Variants in XRN2 observed in about 807,000 individuals in gnomAD.
XRN2 encodes 5'-3' exoribonuclease 2.
Under a neutral mutation model 138.5 loss-of-function variants are expected in XRN2, and 44 were observed. The observed-to-expected ratio is 0.32, with a 90% confidence interval of 0.25 to 0.41. The LOEUF (loss-of-function observed/expected upper bound fraction) is 0.41, where lower values mean the gene tolerates loss of function less well. Ranked by LOEUF, XRN2 falls within the 10% of genes least tolerant of loss-of-function variation. XRN2 has a pLI of 1.00. For missense variants in XRN2, 937 were observed against 1,169.3 expected, an observed-to-expected ratio of 0.80 and a Z score of 2.90; for synonymous variants, 354 against 369.4, an observed-to-expected ratio of 0.96 and a Z score of 0.48.
chr20:21,368,005 A>T (rs1487924980), intron 26 of XRN2, among the ~76,000 whole-genome samples: 1 of 152,190 alleles, frequency 6.6e-6, no homozygotes, highest in Non-Finnish European at 1.5e-5. Context: ...TTAGTAAAGT[A>T]TAAGACATCA....
chr20:21,353,817 T>C lies in XRN2; in HGVS notation c.1937-972T>C, dbSNP rs141046627. Among the ~76,000 whole-genome samples, 508 of 150,356 alleles carry C rather than the reference T, an allele frequency of 3.4e-3. 5 individuals are homozygous for C. Among genetic ancestry groups the C allele is most frequent in the African/African-American group, 0.012 (488 of 40,956 alleles). On this transcript the variant is annotated intron_variant, in intron 20 of 29. Coordinates refer to ENST00000377191, the MANE Select transcript of XRN2 (RefSeq NM_012255.5). ...CTTAAAAAAAAAAAAAAAACAACTG[T>C]TACTAGGTAGTGAAATTGAACATGA...
chr20:21,335,425 A>C (rs2038272366), intron 13 of XRN2, among the ~76,000 whole-genome samples: 1 of 152,184 alleles, frequency 6.6e-6, no homozygotes, highest in Non-Finnish European at 1.5e-5. Context: ...TGTGTCATTG[A>C]ATCTTATTTT....
chr20:21,332,494 A>G (rs2038227062), intron 9 of XRN2, 54 bp downstream of exon 9: 4 of 1,494,618 alleles, frequency 2.7e-6, no homozygotes, highest in Non-Finnish European at 3.6e-6. Flanking sequence ...CTATTGTGGT[A>G]AAATGTATAT....
intron 20 of XRN2, 79 bp from the exon 21 acceptor site, chr20:21,354,710 C>T (rs1206791308): frequency 3.8e-5 from 50 of 1,325,258 alleles, no homozygotes; most frequent in African/African-American, 4.3e-5. Flanking sequence ...CTACTAGAAA[C>T]GTTCATTTCG....
chr20:21,303,695 T>G, intron 1 of XRN2: 1 of 1,283,134 alleles, frequency 7.8e-7, no homozygotes, highest in South Asian at 2.4e-5. Context: ...GGCAAGGGCC[T>G]ATAGGGTTCC....
Position 21,353,824 on chromosome 20 carries a change from G to A in XRN2, c.1937-965G>A, listed in dbSNP as rs144906608. Among the ~76,000 whole-genome samples, 315 of 151,380 alleles carry A rather than the reference G, an allele frequency of 2.1e-3. 1 individual carries two copies. The highest frequency in any genetic ancestry group is 7.5e-3 in the African/African-American group (309 of 41,206). ...AAAAAAAAAAAACAACTGTTACTAG[G>A]TAGTGAAATTGAACATGATTCCTAA... On this transcript the variant is annotated intron_variant, in intron 20 of 29. Transcript: ENST00000377191.
chr20:21,362,406 T>C (rs1364313214), intron 24 of XRN2, among the ~76,000 whole-genome samples: 2 of 152,188 alleles, frequency 1.3e-5, no homozygotes, highest in African/African-American at 2.4e-5. Context: ...CAGGTCTTTC[T>C]GTGCATGACT....
At position 21,348,397 on chromosome 20, in the gene XRN2, A is replaced by G. The variant is rs975265512; in HGVS notation, c.1830A>G (p.Leu610=). The G allele has an allele frequency of 2.5e-6, 4 of 1,613,922 alleles. No homozygotes were observed. Among genetic ancestry groups the G allele is most frequent in the East Asian group, 2.2e-5 (1 of 44,878 alleles). The part of the protein sequence containing the change: ...GVFPAASGNF[L]PPSWRKLMSD... ...TTCCAGCTGCAAGTGGTAATTTTCT[A>G]CCTCCATCATGGCGGAAGCTCATGA... is the stretch of plus-strand genomic sequence containing the variant. The change falls in exon 19 of 30, where the codon CTA becomes CTG. Residue 610 remains leucine, a synonymous_variant. Transcript: ENST00000377191.
At chr20:21,309,835 G>C (rs957182267) in intron 1 of XRN2, among the ~76,000 whole-genome samples, 4 of 151,668 alleles carry the variant, frequency 2.6e-5, no homozygotes, top group Non-Finnish European at 5.9e-5. Context: ...TTTCATTCCT[G>C]ATACTTGTAA....
intron 13 of XRN2, among the ~76,000 whole-genome samples, chr20:21,337,949 G>A (rs1041623334): frequency 7.2e-5 from 11 of 152,178 alleles, no homozygotes; most frequent in African/African-American, 2.4e-4. Flanking sequence ...CACAAGAGAC[G>A]TTTCATTGAA....
At chr20:21,371,772 G>A (rs986183328) in intron 27 of XRN2, among the ~76,000 whole-genome samples, 1 of 152,222 alleles carries the variant, frequency 6.6e-6, no homozygotes, top group Non-Finnish European at 1.5e-5. Context: ...AATAATAAGG[G>A]AAAGAAGCCA....
intron 20 of XRN2, among the ~76,000 whole-genome samples, chr20:21,350,969 CTT>C (rs2038503082): frequency 6.6e-6 from 1 of 151,890 alleles, no homozygotes; most frequent in Non-Finnish European, 1.5e-5. Flanking sequence ...TGGAGGATGT[CTT>C]GATTAAAGCA....
rs947452534 is a variant in XRN2 at position 21,349,256 on chromosome 20, CTT to C, written c.1864-132_1864-131del. 10 of 677,414 alleles carry C rather than the reference CTT, an allele frequency of 1.5e-5. No individual in the cohort carries two copies. In the Admixed American group the frequency reaches 2.2e-4, roughly 15 times the overall value. 42.0% of individuals were successfully genotyped at this position (677,414 alleles called of 1,614,324 possible). On this transcript the variant is annotated intron_variant, in intron 19 of 29. Coordinates refer to ENST00000377191, the MANE Select transcript of XRN2 (RefSeq NM_012255.5). ...ACTTGGGATTAATGACCTAATGTCT[CTT>C]AACATTTTTTAAAAGGAATGCACTT...
chr20:21,313,587 A>G (rs2037916514), intron 1 of XRN2, among the ~76,000 whole-genome samples: 1 of 152,244 alleles, frequency 6.6e-6, no homozygotes, highest in Admixed American at 6.5e-5. Flanking sequence ...AATGGCAACT[A>G]TTTGGAAAAT....
chr20:21,360,457 G>GT (rs144908830), intron 24 of XRN2, among the ~76,000 whole-genome samples: 5,072 of 137,838 alleles, frequency 0.037, 237 homozygotes, highest in African/African-American at 0.12. Context: ...TTGTTAGGTT[G>GT]TTTTTTTTTT....
intron 29 of XRN2, 84 bp from the exon 30 acceptor site, chr20:21,389,189 G>A (rs1406998673): frequency 3.0e-5 from 37 of 1,222,612 alleles, no homozygotes; most frequent in Non-Finnish European, 3.1e-5. Flanking sequence ...TCCTTATGAT[G>A]TGTTTTTCCA....
At chr20:21,359,933 A>G (rs1433195454) in intron 24 of XRN2, among the ~76,000 whole-genome samples, 1 of 151,858 alleles carries the variant, frequency 6.6e-6, no homozygotes, top group Admixed American at 6.6e-5. Context: ...TTGATATTTG[A>G]GAAATCGTTT....
In XRN2 at chr20:21,348,217, A is replaced by C; in HGVS notation, c.1737A>C (p.Ala579=). ...TTGCTTCAGACTTTGAAGGCATTGCAGACATGCCATCTGATTTTGAGAAGG... is the reference window on the plus strand; with the variant it reads ...TTGCTTCAGACTTTGAAGGCATTGCCGACATGCCATCTGATTTTGAGAAGG... ...APFASDFEGI[A]DMPSDFEKGT... is the part of the protein sequence containing the mutation. The change falls in exon 18 of 30, where the codon GCA becomes GCC. Residue 579 remains alanine (A), a synonymous_variant. Transcript: ENST00000377191. The C allele has an allele frequency of 6.2e-7, 1 of 1,614,120 alleles. No homozygotes were observed. Among genetic ancestry groups the C allele is most frequent in the South Asian group, 1.1e-5 (1 of 91,054 alleles).
intron 1 of XRN2, chr20:21,303,737 C>A: frequency 1.6e-6 from 2 of 1,217,738 alleles, no homozygotes; most frequent in Non-Finnish European, 2.0e-6. Context: ...CTCCCCTACT[C>A]GCTTTTTCCC....
Sources: gnomAD v4.1 joint callset for allele counts (sites outside exome capture counted in the v4.1 genomes callset) on GRCh38, gnomAD v4.1.1 for gene constraint, MANE v1.5 for transcripts, NCBI Gene and HGNC (gene_info 2026-07-23, HGNC 2026-07-21) for gene names.